The following ANO10 variants were observed in gnomAD, a reference collection of about 807,000 sequenced individuals.
The protein encoded by ANO10 is anoctamin-10.
A neutral mutation model predicts 74.7 loss-of-function variants in ANO10; 77 were observed. The ratio of observed to expected loss-of-function variants is 1.03; its 90% CI spans 0.86 to 1.25. The LOEUF (loss-of-function observed/expected upper bound fraction) is 1.25. Ranked by LOEUF, ANO10 falls within the 50% of genes most tolerant of loss-of-function variation. The probability of loss-of-function intolerance (pLI) is 0.00; values close to 1 mark genes in which losing one functional copy is unlikely to be tolerated. For missense variants in ANO10, 721 were observed against 778.1 expected (o/e 0.93, Z 0.87); for synonymous variants, 279 against 284.9 (o/e 0.98, Z 0.21).
At chr3:43,412,711 C>A (rs139960837) in intron 12 of ANO10, among the ~76,000 whole-genome samples, 1 of 152,328 alleles carries the variant, frequency 6.6e-6, no homozygotes, top group East Asian at 1.9e-4. Context: ...CAAAAAAAAT[C>A]TTCTCTATGG....
At chr3:43,389,694 T>A (rs1275245360) in intron 12 of ANO10, among the ~76,000 whole-genome samples, 1 of 152,162 alleles carries the variant, frequency 6.6e-6, no homozygotes, top group Non-Finnish European at 1.5e-5. Context: ...TAAAAGGGCA[T>A]GAAAACCAAT....
intron 10 of ANO10, among the ~76,000 whole-genome samples, 182 bp from the exon 11 acceptor site, chr3:43,550,030 G>C (rs185096874): frequency 8.6e-4 from 131 of 152,016 alleles, no homozygotes; most frequent in African/African-American, 3.1e-3. Flanking sequence ...AAGCCATACT[G>C]TTAGGCAGTA....
intron 11 of ANO10, among the ~76,000 whole-genome samples, chr3:43,494,254 GA>G (rs2076834317): frequency 1.3e-5 from 2 of 152,128 alleles, no homozygotes; most frequent in Admixed American, 1.3e-4. Context: ...AGGGGTTCGG[GA>G]CCAGCCTGGC....
chr3:43,395,675 T>C (rs1424764052), intron 12 of ANO10, among the ~76,000 whole-genome samples: 1 of 152,150 alleles, frequency 6.6e-6, no homozygotes, highest in Non-Finnish European at 1.5e-5. Flanking sequence ...TGAAATCAAG[T>C]AGTCTTCCAA....
intron 12 of ANO10, among the ~76,000 whole-genome samples, chr3:43,419,108 T>C (rs2092783723): frequency 6.6e-6 from 1 of 152,248 alleles, no homozygotes; most frequent in Non-Finnish European, 1.5e-5. Context: ...TTCCTAGTCC[T>C]GTAGGCTTCT....
At chr3:43,624,522 G>T (rs1291908633), upstream of ANO10, among the ~76,000 whole-genome samples, 1 of 152,122 alleles carries the variant, frequency 6.6e-6, no homozygotes, top group African/African-American at 2.4e-5. Flanking sequence ...CTCTCTCTCT[G>T]TTGCTCCTGC....
Position 43,675,147 on chromosome 3 carries a change from G to A in ANO10, c.-12+16370C>T, listed in dbSNP as rs1039381634. Among the ~76,000 whole-genome samples the A allele has an allele frequency of 5.3e-5, 8 of 152,034 alleles. No homozygotes were observed. The South Asian group carries it at 6.2e-4, about 12-fold the overall frequency. ...AAGAACTATTGTTTTTCCAATATAT[G>A]GTGTTGGAACAATTGGATATCCATA... is the stretch of plus-strand genomic sequence containing the variant. On this transcript the variant is annotated intron_variant, in intron 1 of 3. Coordinates refer to the ANO10 transcript ENST00000413397.
At chr3:43,395,771 C>CAA (rs35046151) in intron 12 of ANO10, among the ~76,000 whole-genome samples, 42 of 138,608 alleles carry the variant, frequency 3.0e-4, no homozygotes, top group Admixed American at 6.4e-4. Flanking sequence ...TCAACTTCTA[C>CAA]AAAAAAAAAA....
At position 43,416,572 on chromosome 3, in the gene ANO10, T is replaced by A. The variant is rs2092742333; in HGVS notation, c.1914+16039A>T. On this transcript the variant is annotated intron_variant, in intron 12 of 12. Transcript: ENST00000292246. ...TGTATTTGTCAACTGAAATTCATAGTCCAGTGGCATTTTAGCAGGTCTGGT... is the reference window on the plus strand; with the variant it reads ...TGTATTTGTCAACTGAAATTCATAGACCAGTGGCATTTTAGCAGGTCTGGT... Among the ~76,000 whole-genome samples the A allele has an allele frequency of 2.0e-5, 3 of 152,214 alleles. No individual in the cohort carries two copies. The South Asian group carries it at 6.2e-4, about 32-fold the overall frequency.
At chr3:43,482,640 A>T (rs1382599466) in intron 11 of ANO10, among the ~76,000 whole-genome samples, 1 of 152,080 alleles carries the variant, frequency 6.6e-6, no homozygotes, top group Non-Finnish European at 1.5e-5. Flanking sequence ...TCCTACTTCT[A>T]CTTCTCTCTA....
chr3:43,563,540 C>CACCT (rs1202775721), intron 8 of ANO10, among the ~76,000 whole-genome samples: 6 of 150,760 alleles, frequency 4.0e-5, no homozygotes, highest in Non-Finnish European at 8.8e-5. Context: ...ATCAAACGGA[C>CACCT]ACCTGCACCC....
At chr3:43,530,159 AT>A (rs2078393761) in intron 11 of ANO10, among the ~76,000 whole-genome samples, 1 of 152,216 alleles carries the variant, frequency 6.6e-6, no homozygotes, top group South Asian at 2.1e-4. Context: ...TTAAAGAAAT[AT>A]TTTTATAACC....
intron 11 of ANO10, among the ~76,000 whole-genome samples, chr3:43,434,333 C>T (rs2093035534): frequency 6.6e-6 from 1 of 152,108 alleles, no homozygotes; most frequent in Non-Finnish European, 1.5e-5. Flanking sequence ...AAATTCTGAA[C>T]TAACTGAATT....
At chr3:43,558,059 T>C (rs2079846256) in intron 9 of ANO10, among the ~76,000 whole-genome samples, 1 of 148,614 alleles carries the variant, frequency 6.7e-6, no homozygotes, top group Admixed American at 6.8e-5. Context: ...GAGCCACTAT[T>C]GCCACCACTG....
At chr3:43,454,910 G>A (rs1034407404) in intron 11 of ANO10, among the ~76,000 whole-genome samples, 19 of 152,158 alleles carry the variant, frequency 1.2e-4, no homozygotes, top group Non-Finnish European at 1.2e-4. Flanking sequence ...TTTATGCACC[G>A]ATGAGGATGA....
At chr3:43,457,669 C>G (rs1332644242) in intron 11 of ANO10, among the ~76,000 whole-genome samples, 1 of 152,146 alleles carries the variant, frequency 6.6e-6, no homozygotes, top group Non-Finnish European at 1.5e-5. Flanking sequence ...GCCAAACCTG[C>G]TTTACTTTAG....
intron 12 of ANO10, among the ~76,000 whole-genome samples, chr3:43,410,465 T>C (rs1434667981): frequency 6.6e-6 from 1 of 152,308 alleles, no homozygotes. Context: ...AAGAGTTTGT[T>C]TTAAAATATT....
chr3:43,464,687 T>C (rs2075539177), intron 11 of ANO10, among the ~76,000 whole-genome samples: 1 of 151,742 alleles, frequency 6.6e-6, no homozygotes, highest in Non-Finnish European at 1.5e-5. Flanking sequence ...TAAAAAAAAA[T>C]GCAAGATTGG....
chr3:43,652,580 G>A (rs2083799732), intron 1 of ANO10, among the ~76,000 whole-genome samples: 1 of 152,056 alleles, frequency 6.6e-6, no homozygotes, highest in African/African-American at 2.4e-5. Context: ...AATGGTGATG[G>A]TTGTATAACT....
Sources: gnomAD v4.1 joint callset for allele counts (sites outside exome capture counted in the v4.1 genomes callset) on GRCh38, gnomAD v4.1.1 for gene constraint, MANE v1.5 for transcripts, NCBI Gene and HGNC (gene_info 2026-07-23, HGNC 2026-07-21) for gene names.